CMPK2: variants seen among roughly 807,000 people sequenced by gnomAD.
The protein encoded by CMPK2 is UMP-CMP kinase 2, mitochondrial.
Under a neutral mutation model 33.4 loss-of-function variants are expected in CMPK2, and 32 were observed. The observed-to-expected ratio is 0.96, with a 90% CI of 0.72 to 1.29. The LOEUF is 1.29. Among genes scored for constraint, CMPK2 ranks in the 50% most tolerant of loss-of-function variants. The probability of loss-of-function intolerance (pLI) is 0.00; values close to 1 mark genes in which losing one functional copy is unlikely to be tolerated. For synonymous variants in CMPK2, 299 were observed against 275.3 expected (o/e 1.09, Z -0.85); for missense variants, 672 against 616.0 (o/e 1.09, Z -0.96).
At chr2:6,866,006 G>T, upstream of CMPK2, 1 of 618,500 alleles carries the variant, frequency 1.6e-6, no homozygotes, top group Non-Finnish European at 2.4e-6. Flanking sequence ...CCGGCTCCCG[G>T]GGCTGACACC....
intron 3 of CMPK2, among the ~76,000 whole-genome samples, chr2:6,852,912 G>C (rs551893555): frequency 3.3e-5 from 5 of 152,024 alleles, no homozygotes; most frequent in African/African-American, 1.2e-4. Context: ...GATACCCAGG[G>C]GCCCCTCCTC....
intron 3 of CMPK2, 49 bp downstream of exon 3, chr2:6,861,126 ACCCACACAC>A: frequency 4.2e-5 from 1 of 23,680 alleles, no homozygotes; most frequent in Non-Finnish European, 1.3e-4. Flanking sequence ...ACACACACAC[ACCCACACAC>A]TTATATATTA....
intron 3 of CMPK2, among the ~76,000 whole-genome samples, chr2:6,841,554 C>G (rs937171654): frequency 8.5e-5 from 13 of 152,210 alleles, no homozygotes; most frequent in African/African-American, 1.9e-4. Flanking sequence ...TGACTGGAGA[C>G]TGACAAATAA....
rs764256285 is a variant in CMPK2, at chr2:6,848,387, T to C, written c.*1463A>G. Reference sequence around the variant, plus strand: ...AAGATACATTAATTGTTTGTTTTTCTAGGCTGCCAGTATAAGCTTTTCAAA... The same window carrying C: ...AAGATACATTAATTGTTTGTTTTTCCAGGCTGCCAGTATAAGCTTTTCAAA... On this transcript the variant is annotated 3_prime_UTR_variant, in exon 5 of 5. Transcript: ENST00000256722. 2 of 985,312 alleles carry C rather than the reference T, an allele frequency of 2.0e-6. No individual in the cohort carries two copies. Among genetic ancestry groups the C allele is most frequent in the Non-Finnish European group, 2.4e-6 (2 of 829,784 alleles). The allele number at this position is 985,312 out of a possible 1,614,324, so 61.0% of individuals were successfully genotyped here. A position where few individuals can be genotyped will look rare whatever the true frequency, so the allele number is the denominator to read the frequency against.
rs766816848 is a variant in CMPK2 at position 6,863,528 on chromosome 2, C to A, written c.726G>T (p.Gln242His). 1.2e-6 allele frequency: 2 copies of A among 1,614,160 alleles called. No homozygotes were observed. Among genetic ancestry groups the A allele is most frequent in the South Asian group, 2.2e-5 (2 of 91,068 alleles). Residue 242 changes from glutamine to histidine, a missense_variant, in exon 2 of 5, where the codon CAG becomes CAT. Coordinates refer to ENST00000256722, the MANE Select transcript of CMPK2 (RefSeq NM_207315.4). ...TTCCTTTCTGGATCTGTTTTGGGCACTGGTCGACCAGGTCAAGCACTGCCC... is the reference window on the plus strand; with the variant it reads ...TTCCTTTCTGGATCTGTTTTGGGCAATGGTCGACCAGGTCAAGCACTGCCC... ...EARAVLDLVD[Q>H]CPKQIQKGKF...
At chr2:6,846,760 C>T (rs776728602), downstream of CMPK2, among the ~76,000 whole-genome samples, 22 of 152,162 alleles carry the variant, frequency 1.4e-4, no homozygotes, top group Non-Finnish European at 2.6e-4. Flanking sequence ...TGGCTAGGCC[C>T]TCTGTGAAAG....
At chr2:6,860,533 C>G (rs1187885130) in intron 3 of CMPK2, among the ~76,000 whole-genome samples, 1 of 152,214 alleles carries the variant, frequency 6.6e-6, no homozygotes, top group Non-Finnish European at 1.5e-5. Context: ...AGGGGAGTTT[C>G]CCTGCACATG....
At chr2:6,857,821 G>C (rs1272688405) in intron 3 of CMPK2, among the ~76,000 whole-genome samples, 1 of 151,822 alleles carries the variant, frequency 6.6e-6, no homozygotes, top group East Asian at 1.9e-4. Flanking sequence ...ATTTTTAGTA[G>C]AGACGGGGTT....
intron 1 of CMPK2, 149 bp from the exon 2 acceptor site, chr2:6,863,727 G>C (rs1662955113): frequency 3.3e-6 from 2 of 602,476 alleles, no homozygotes; most frequent in East Asian, 2.9e-5. Context: ...AGAGTATTTC[G>C]ATGCTAGGAT....
rs756943671 is a variant in CMPK2, at chr2:6,851,570, G to T, written c.1106C>A (p.Pro369His). The T allele has an allele frequency of 9.9e-6, 16 of 1,614,116 alleles. No homozygotes were observed. The highest frequency in any genetic ancestry group is 1.4e-5 in the Non-Finnish European group (16 of 1,180,056). The change falls in exon 4 of 5, where the codon CCT becomes CAT. Residue 369 changes from proline (P) to histidine (H), a missense_variant. Coordinates refer to ENST00000256722, the MANE Select transcript of CMPK2 (RefSeq NM_207315.4). ...VYQWPEDLLK[P>H]DLILLLTVSP... ...CACAGTGAGCAGCAGGATAAGGTCA[G>T]GTTTGAGCAGGTCCTCTGGCCACTG...
In CMPK2 at chr2:6,848,499, C is replaced by A; in HGVS notation, c.*1351G>T. On this transcript the variant is annotated 3_prime_UTR_variant, in exon 5 of 5. Coordinates refer to ENST00000256722, the MANE Select transcript of CMPK2 (RefSeq NM_207315.4). ...CTATTTATCAGCTTTAAAATACTTT[C>A]AACTGAAATCAATTACATTTTAATA... 1 of 970,828 alleles carries A rather than the reference C, an allele frequency of 1.0e-6. No individual in the cohort carries two copies. The highest frequency in any genetic ancestry group is 1.2e-6 in the Non-Finnish European group (1 of 816,634). The allele number at this position is 970,828 out of a possible 1,614,324, so 60.1% of individuals were successfully genotyped here.
chr2:6,849,660 T>C lies in CMPK2; in HGVS notation c.*190A>G. The C allele has an allele frequency of 7.0e-7, 1 of 1,426,448 alleles. No homozygotes were observed. The highest frequency in any genetic ancestry group is 2.6e-5 in the East Asian group (1 of 38,222). The allele number at this position is 1,426,448 out of a possible 1,614,324, so 88.4% of individuals were successfully genotyped here. ...CACTGGAACATGATGAGAGGGACCT[T>C]TGTGATGACGGGTCCATCAGTCAGA... is the stretch of plus-strand genomic sequence containing the variant. On this transcript the variant is annotated 3_prime_UTR_variant, in exon 5 of 5. Coordinates refer to ENST00000256722, the MANE Select transcript of CMPK2 (RefSeq NM_207315.4).
chr2:6,853,070 C>A (rs991265856), intron 3 of CMPK2, among the ~76,000 whole-genome samples: 1 of 152,116 alleles, frequency 6.6e-6, no homozygotes, highest in Admixed American at 6.5e-5. Flanking sequence ...CTGCCCCACC[C>A]TCCCAAGTAG....
chr2:6,846,833 A>G, downstream of CMPK2, among the ~76,000 whole-genome samples: 1 of 152,230 alleles, frequency 6.6e-6, no homozygotes, highest in Non-Finnish European at 1.5e-5. Flanking sequence ...GTTAAAGGTC[A>G]ACTCTTAATC....
At chr2:6,866,460 C>T (rs1426620761), upstream of CMPK2, 1 of 985,668 alleles carries the variant, frequency 1.0e-6, no homozygotes, top group African/African-American at 1.7e-5. Flanking sequence ...TTGGAATTGC[C>T]CTCTCCCTTT....
At chr2:6,866,193 A>G (rs186154543), upstream of CMPK2, 47 of 184,164 alleles carry the variant, frequency 2.6e-4, no homozygotes, top group Non-Finnish European at 4.5e-4. Flanking sequence ...GGGCTCTTCA[A>G]CGCCCACTTG....
chr2:6,841,335 C>A (rs1662228728), intron 3 of CMPK2, among the ~76,000 whole-genome samples: 1 of 152,140 alleles, frequency 6.6e-6, no homozygotes, highest in African/African-American at 2.4e-5. Flanking sequence ...GCCAGTCCTC[C>A]CCTGGGCAGT....
At chr2:6,853,997 T>C (rs1662608744) in intron 3 of CMPK2, among the ~76,000 whole-genome samples, 1 of 152,170 alleles carries the variant, frequency 6.6e-6, no homozygotes. Context: ...CTCTGAGAGC[T>C]TCAGGCCACT....
intron 3 of CMPK2, among the ~76,000 whole-genome samples, chr2:6,842,553 G>C (rs2103212381): frequency 6.6e-6 from 1 of 152,264 alleles, no homozygotes; most frequent in African/African-American, 2.4e-5. Context: ...CCTCAGGCCT[G>C]AGTTAAGACT....
Sources: gnomAD v4.1 joint callset for allele counts (sites outside exome capture counted in the v4.1 genomes callset) on GRCh38, gnomAD v4.1.1 for gene constraint, MANE v1.5 for transcripts, NCBI Gene and HGNC (gene_info 2026-07-23, HGNC 2026-07-21) for gene names.